Variants in RAD51B observed in about 807,000 individuals in gnomAD.
The protein encoded by RAD51B is DNA repair protein RAD51 homolog 2.
RAD51B carries 38 observed loss-of-function variants against 42.2 expected under a neutral mutation model. The ratio of observed to expected loss-of-function variants is 0.90; its 90% CI spans 0.70 to 1.18. The LOEUF (loss-of-function observed/expected upper bound fraction) is 1.18. Among genes scored for constraint, RAD51B ranks in the 50% most tolerant of loss-of-function variants. The probability of loss-of-function intolerance (pLI) is 0.00; values close to 1 mark genes in which losing one functional copy is unlikely to be tolerated. For synonymous variants in RAD51B, 154 were observed against 145.2 expected, an observed-to-expected ratio of 1.06 and a Z score of -0.43; for missense variants, 373 against 400.7, an observed-to-expected ratio of 0.93 and a Z score of 0.59.
intron 7 of RAD51B, among the ~76,000 whole-genome samples, chr14:68,180,660 C>T (rs906302155): frequency 6.6e-6 from 1 of 152,104 alleles, no homozygotes; most frequent in African/African-American, 2.4e-5. Flanking sequence ...ATTGCAGAGC[C>T]AGAATGCAAA....
chr14:68,073,706 T>C (rs1478951216), intron 7 of RAD51B, among the ~76,000 whole-genome samples: 1 of 152,214 alleles, frequency 6.6e-6, no homozygotes, highest in Non-Finnish European at 1.5e-5. Flanking sequence ...AAGGACTTCT[T>C]GTAAGGCACA....
intron 8 of RAD51B, among the ~76,000 whole-genome samples, chr14:68,385,217 A>G (rs1304791792): frequency 6.6e-6 from 1 of 152,126 alleles, no homozygotes; most frequent in Non-Finnish European, 1.5e-5. Context: ...CATCGACAGC[A>G]TGCCAGGCCT....
chr14:68,665,094 T>C (rs1015785922), intron 11 of RAD51B, among the ~76,000 whole-genome samples: 1 of 152,236 alleles, frequency 6.6e-6, no homozygotes, highest in Non-Finnish European at 1.5e-5. Context: ...CTCTTTGACC[T>C]CTGTTGTTGG....
chr14:68,310,832 A>G (rs2081955062), intron 8 of RAD51B, among the ~76,000 whole-genome samples: 1 of 152,148 alleles, frequency 6.6e-6, no homozygotes, highest in South Asian at 2.1e-4. Flanking sequence ...GCCACAGAGC[A>G]AGACTCCATC....
At chr14:68,359,518 C>T (rs181516212) in intron 8 of RAD51B, among the ~76,000 whole-genome samples, 3 of 152,186 alleles carry the variant, frequency 2.0e-5, no homozygotes, top group East Asian at 1.9e-4. Flanking sequence ...GAGTGGGAAA[C>T]GCAAACAGCT....
At chr14:67,896,855 A>G (rs2043438057) in intron 7 of RAD51B, among the ~76,000 whole-genome samples, 1 of 152,206 alleles carries the variant, frequency 6.6e-6, no homozygotes, top group South Asian at 2.1e-4. Flanking sequence ...AAGAAAATAT[A>G]TTTCAAATAA....
At chr14:68,211,327 C>T (rs1202828095) in intron 7 of RAD51B, among the ~76,000 whole-genome samples, 3 of 152,184 alleles carry the variant, frequency 2.0e-5, no homozygotes, top group Non-Finnish European at 4.4e-5. Context: ...TCACATTGCC[C>T]TCCCTCCACC....
chr14:68,259,766 A>G (rs1951633), intron 7 of RAD51B, among the ~76,000 whole-genome samples: 37,401 of 152,096 alleles, frequency 0.25, 5,194 homozygotes, highest in Middle Eastern at 0.42. Context: ...GTGCTTAGGT[A>G]GCAGGCACCA....
intron 7 of RAD51B, among the ~76,000 whole-genome samples, chr14:67,993,440 C>T (rs961747975): frequency 5.9e-5 from 9 of 152,120 alleles, no homozygotes; most frequent in African/African-American, 2.2e-4. Context: ...TGATAACATG[C>T]GAAGTTTGTA....
At chr14:68,344,572 G>A (rs1416433633) in intron 8 of RAD51B, among the ~76,000 whole-genome samples, 51 of 143,728 alleles carry the variant, frequency 3.5e-4, no homozygotes, top group Middle Eastern at 4.7e-3. Context: ...GCGTGAACCT[G>A]GGAGGCGGAG....
At chr14:68,595,342 C>T (rs1328559368) in exon 11 of RAD51B, 2 of 1,066,256 alleles carry the variant, frequency 1.9e-6, no homozygotes, top group African/African-American at 1.6e-5. Flanking sequence ...GAAAAGAAGA[C>T]CAGGGCCAAA....
intron 7 of RAD51B, among the ~76,000 whole-genome samples, chr14:68,056,849 C>T (rs967034663): frequency 2.6e-5 from 4 of 152,032 alleles, no homozygotes; most frequent in African/African-American, 7.2e-5. Context: ...GAAGCTGAGG[C>T]GGGTGGATCA....
intron 7 of RAD51B, chr14:68,113,700 G>T (rs1217172157): frequency 6.6e-6 from 1 of 152,052 alleles, no homozygotes; most frequent in Non-Finnish European, 1.5e-5. Flanking sequence ...ATGCTCTGAT[G>T]CATACTGAGA....
chr14:68,025,898 T>C (rs2075948416), intron 7 of RAD51B, among the ~76,000 whole-genome samples: 1 of 152,148 alleles, frequency 6.6e-6, no homozygotes, highest in African/African-American at 2.4e-5. Flanking sequence ...TTTCTTTTTT[T>C]CTGCTAGCTT....
rs77607521 is a variant in RAD51B, at chr14:68,655,058, T to C, written c.*11+4202T>C. ...AGTCATGATGGTCTCAGGCCTGCTA[T>C]GTAACACCTTTCCCCAGCACACCTA... On this transcript the variant is annotated intron_variant, in intron 11 of 11. Coordinates refer to the RAD51B transcript ENST00000488612. Among the ~76,000 whole-genome samples, 144 of 152,230 alleles carry C rather than the reference T, an allele frequency of 9.5e-4. 4 individuals are homozygous for C. In the East Asian group the frequency reaches 0.018, roughly 19 times the overall value.
chr14:68,287,785 A>C (rs2081440973), intron 7 of RAD51B, among the ~76,000 whole-genome samples: 1 of 152,218 alleles, frequency 6.6e-6, no homozygotes, highest in Non-Finnish European at 1.5e-5. Flanking sequence ...GGTATAAATC[A>C]GCAAAGGATA....
At chr14:67,995,280 G>A (rs1344974459) in intron 7 of RAD51B, among the ~76,000 whole-genome samples, 3 of 151,872 alleles carry the variant, frequency 2.0e-5, no homozygotes, top group Admixed American at 6.6e-5. Flanking sequence ...CCAGCTACTC[G>A]GGAGGCTGAG....
chr14:68,530,637 AG>A (rs1301561844), intron 10 of RAD51B, among the ~76,000 whole-genome samples: 1 of 152,036 alleles, frequency 6.6e-6, no homozygotes, highest in African/African-American at 2.4e-5. Flanking sequence ...GTAAAGCCAG[AG>A]TTTTATACCT....
chr14:67,976,411 C>G (rs1379964828), intron 7 of RAD51B, among the ~76,000 whole-genome samples: 2 of 151,910 alleles, frequency 1.3e-5, no homozygotes, highest in Non-Finnish European at 2.9e-5. Context: ...AGCCACTCCA[C>G]TTGGCTCAAC....
Sources: gnomAD v4.1 joint callset for allele counts (sites outside exome capture counted in the v4.1 genomes callset) on GRCh38, gnomAD v4.1.1 for gene constraint, MANE v1.5 for transcripts, NCBI Gene and HGNC (gene_info 2026-07-23, HGNC 2026-07-21) for gene names.